Variants in CLSTN2 observed in about 807,000 individuals in gnomAD.
CLSTN2 encodes calsyntenin-2.
Under a neutral mutation model 101.2 loss-of-function variants are expected in CLSTN2, and 48 were observed. The ratio of observed to expected loss-of-function variants is 0.47; its 90% CI spans 0.38 to 0.60. The LOEUF is 0.60. Ranked by LOEUF, CLSTN2 falls within the 20% of genes least tolerant of loss-of-function variation. CLSTN2 has a pLI of 0.00. For synonymous variants in CLSTN2, 481 were observed against 463.6 expected (o/e 1.04, Z -0.48); for missense variants, 1,160 against 1,238.2 (o/e 0.94, Z 0.95).
chr3:140,528,183 A>C (rs1192070163), intron 8 of CLSTN2, among the ~76,000 whole-genome samples: 1 of 152,186 alleles, frequency 6.6e-6, no homozygotes, highest in Non-Finnish European at 1.5e-5. Flanking sequence ...AAATAGTATA[A>C]GGAGGAATAG....
chr3:139,997,706 ACACATTTCAAATG>A (rs2006707203), intron 1 of CLSTN2, among the ~76,000 whole-genome samples: 1 of 152,158 alleles, frequency 6.6e-6, no homozygotes, highest in South Asian at 2.1e-4. Flanking sequence ...TCTTTCAAAT[ACACATTTCAAATG>A]TACATTTTCA....
intron 8 of CLSTN2, among the ~76,000 whole-genome samples, chr3:140,502,853 C>A (rs906175550): frequency 1.3e-5 from 2 of 152,126 alleles, no homozygotes; most frequent in Non-Finnish European, 2.9e-5. Flanking sequence ...CTATTGCAAC[C>A]ATATAATATA....
chr3:140,203,923 A>T (rs2010750164), intron 2 of CLSTN2, among the ~76,000 whole-genome samples: 1 of 152,176 alleles, frequency 6.6e-6, no homozygotes. Flanking sequence ...GTTGCTGGAG[A>T]AATGTGTCTC....
At chr3:140,273,714 T>C (rs532598895) in intron 2 of CLSTN2, among the ~76,000 whole-genome samples, 41 of 152,268 alleles carry the variant, frequency 2.7e-4, no homozygotes, top group Non-Finnish European at 5.4e-4. Flanking sequence ...CAGAAGCAAT[T>C]CCTCAGGGTA....
At chr3:140,106,604 G>T (rs1325303183) in intron 1 of CLSTN2, among the ~76,000 whole-genome samples, 2 of 152,184 alleles carry the variant, frequency 1.3e-5, no homozygotes, top group Non-Finnish European at 2.9e-5. Context: ...CAGAAGACAA[G>T]GTTCCTCTCC....
At chr3:140,174,414 G>A (rs530499513) in intron 1 of CLSTN2, among the ~76,000 whole-genome samples, 1 of 152,230 alleles carries the variant, frequency 6.6e-6, no homozygotes, top group Admixed American at 6.5e-5. Context: ...ACATTTTCCT[G>A]TCTTCTTCTG....
In CLSTN2 at chr3:140,419,542, CATATATACGTGTACGTATATATGT is replaced by C. The variant is rs1331905541; in HGVS notation, c.638-1574_638-1551del. 5.9e-5 allele frequency among the ~76,000 whole-genome samples: 3 copies of C among 50,800 alleles called. 1 individual carries two copies. Among genetic ancestry groups the C allele is most frequent in the Non-Finnish European group, 9.2e-5 (3 of 32,464 alleles). The allele number at this position is 50,800 out of a possible 152,430, so 33.3% of individuals were successfully genotyped here. On this transcript the variant is annotated intron_variant, in intron 4 of 16. Transcript: ENST00000458420. ...ACACATATGTGTGTGTATATATATA[CATATATACGTGTACGTATATATGT>C]ATATATACATATATACGTGTACGTA...
chr3:140,267,075 C>G (rs1247034285), intron 2 of CLSTN2, among the ~76,000 whole-genome samples: 1 of 152,142 alleles, frequency 6.6e-6, no homozygotes, highest in Non-Finnish European at 1.5e-5. Context: ...ATTTGGAAAC[C>G]AGGTCTACCT....
chr3:140,437,992 G>T (rs77646761), intron 5 of CLSTN2, among the ~76,000 whole-genome samples: 2 of 151,956 alleles, frequency 1.3e-5, no homozygotes, highest in African/African-American at 4.8e-5. Flanking sequence ...GCTGCATAAC[G>T]TCCCCTTCTA....
At position 140,365,512 on chromosome 3, in the gene CLSTN2, TGAATA is replaced by T. The variant is rs576162242; in HGVS notation, c.233-38115_233-38111del. On this transcript the variant is annotated intron_variant, in intron 2 of 16. Transcript: ENST00000458420. ...TCTTATTTGCACAGCCCTGTACCAT[TGAATA>T]GTCCTTCCACAGGTTTCCTCCCATG... Among the ~76,000 whole-genome samples the T allele has an allele frequency of 1.2e-3, 181 of 152,280 alleles. 1 individual carries two copies. The highest frequency in any genetic ancestry group is 4.2e-3 in the African/African-American group (175 of 41,558).
chr3:140,209,218 C>A (rs540386301), intron 2 of CLSTN2, among the ~76,000 whole-genome samples: 11 of 152,070 alleles, frequency 7.2e-5, no homozygotes, highest in Non-Finnish European at 1.3e-4. Context: ...GAGGATGCAG[C>A]GAGCAGCACT....
chr3:140,108,456 C>A (rs1246539294), intron 1 of CLSTN2, among the ~76,000 whole-genome samples: 1 of 152,214 alleles, frequency 6.6e-6, no homozygotes, highest in Non-Finnish European at 1.5e-5. Context: ...CCCCTCCCTG[C>A]CTCTTTCCAT....
intron 1 of CLSTN2, among the ~76,000 whole-genome samples, chr3:139,977,508 A>C (rs376743095): frequency 6.6e-6 from 1 of 151,720 alleles, no homozygotes; most frequent in Non-Finnish European, 1.5e-5. Context: ...AACAGTATCA[A>C]CTGTGCTGTT....
At chr3:140,539,173 C>T (rs1935419232) in intron 9 of CLSTN2, among the ~76,000 whole-genome samples, 1 of 150,232 alleles carries the variant, frequency 6.7e-6, no homozygotes, top group South Asian at 2.1e-4. Flanking sequence ...ATTCTTGAGG[C>T]TACTTTGACA....
intron 1 of CLSTN2, among the ~76,000 whole-genome samples, chr3:139,967,311 T>C (rs1446033873): frequency 6.6e-6 from 1 of 152,220 alleles, no homozygotes; most frequent in Non-Finnish European, 1.5e-5. Context: ...GTCTGCAAAG[T>C]AGTCTTGTTT....
chr3:139,971,659 T>A (rs1412833764), intron 1 of CLSTN2, among the ~76,000 whole-genome samples: 1 of 152,210 alleles, frequency 6.6e-6, no homozygotes, highest in Admixed American at 6.5e-5. Context: ...AGCATTTCAT[T>A]CATGAGCAGG....
chr3:140,318,620 A>G (rs1413839709), intron 2 of CLSTN2, among the ~76,000 whole-genome samples: 1 of 152,182 alleles, frequency 6.6e-6, no homozygotes, highest in Non-Finnish European at 1.5e-5. Flanking sequence ...TCTTCATGCT[A>G]TTGGCTAAAC....
intron 2 of CLSTN2, among the ~76,000 whole-genome samples, chr3:140,257,664 G>A (rs116740060): frequency 3.7e-4 from 55 of 147,772 alleles, no homozygotes; most frequent in African/African-American, 1.1e-3. Flanking sequence ...AGAATTTCTC[G>A]GTCATTAAAA....
intron 1 of CLSTN2, among the ~76,000 whole-genome samples, chr3:140,163,695 T>C (rs367843942): frequency 8.6e-5 from 13 of 150,854 alleles, no homozygotes; most frequent in African/African-American, 2.9e-4. Context: ...AATTCTTCCA[T>C]CTAGGAGCCG....
Sources: gnomAD v4.1 joint callset for allele counts (sites outside exome capture counted in the v4.1 genomes callset) on GRCh38, gnomAD v4.1.1 for gene constraint, MANE v1.5 for transcripts, NCBI Gene and HGNC (gene_info 2026-07-23, HGNC 2026-07-21) for gene names.